DHX36: variants seen among roughly 807,000 people sequenced by gnomAD.
DHX36 encodes ATP-dependent DNA/RNA helicase DHX36.
In DHX36, 50 loss-of-function variants were observed where a neutral mutation model predicts 139.0. The observed-to-expected ratio is 0.36, with a 90% CI of 0.29 to 0.46. DHX36 has a LOEUF of 0.46. Among genes scored for constraint, DHX36 ranks in the 20% least tolerant of loss-of-function variants. The pLI is 1.00. For synonymous variants in DHX36, 425 were observed against 401.9 expected, an observed-to-expected ratio of 1.06 and a Z score of -0.69; for missense variants, 1,024 against 1,211.3, an observed-to-expected ratio of 0.85 and a Z score of 2.29.
intron 15 of DHX36, among the ~76,000 whole-genome samples, chr3:154,292,236 C>CA: frequency 6.6e-6 from 1 of 152,020 alleles, no homozygotes. Flanking sequence ...ATCTGACACT[C>CA]AAAAAGTATT....
At position 154,324,309 on chromosome 3, in the gene DHX36, G is replaced by C; in HGVS notation, c.108C>G (p.Ser36=). 6.2e-7 allele frequency: 1 copy of C among 1,608,178 alleles called. No homozygotes were observed. Among genetic ancestry groups the C allele is most frequent in the Non-Finnish European group, 8.5e-7 (1 of 1,177,816 alleles). Residue 36 remains serine, a synonymous_variant, in exon 1 of 25, where the codon TCC becomes TCG. Transcript: ENST00000496811. ...PAGGHGGNRG[S]GGGGGGGGGG... ...CCCCTCCGCCGCCGCCGCCTCCTCC[G>C]GAGCCTCGGTTACCTCCATGACCCC...
intron 20 of DHX36, 133 bp from the exon 21 acceptor site, chr3:154,280,995 G>T: frequency 1.5e-6 from 1 of 657,418 alleles, no homozygotes; most frequent in Non-Finnish European, 2.5e-6. Flanking sequence ...ATGTTTTAAA[G>T]CAAGGGTTGG....
rs193287924 is a variant in DHX36, at chr3:154,283,037, A to G, written c.2376+151T>C. 606 of 529,710 alleles carry G rather than the reference A, an allele frequency of 1.1e-3. 1 individual carries two copies. Among genetic ancestry groups the G allele is most frequent in the Non-Finnish European group, 1.1e-3 (329 of 294,852 alleles). 32.8% of individuals were successfully genotyped at this position (529,710 alleles called of 1,614,324 possible). A position where few individuals can be genotyped will look rare whatever the true frequency, so the allele number is the denominator to read the frequency against. ...TCCTTGTTTTGTTGCAGTTGATTTC[A>G]GAAAGATCCCCCATTACTTTGTGTA... On this transcript the variant is annotated intron_variant, in intron 20 of 24. Transcript: ENST00000496811.
At chr3:154,321,298 G>T (rs1016029030) in intron 1 of DHX36, among the ~76,000 whole-genome samples, 1 of 152,030 alleles carries the variant, frequency 6.6e-6, no homozygotes, top group Non-Finnish European at 1.5e-5. Context: ...ACAGTTTCTC[G>T]AACTGAAAAT....
chr3:154,316,984 G>C (rs1358767523), intron 1 of DHX36, among the ~76,000 whole-genome samples: 1 of 152,042 alleles, frequency 6.6e-6, no homozygotes, highest in Non-Finnish European at 1.5e-5. Flanking sequence ...GTGAAAATTA[G>C]AGTGTGTTAG....
intron 15 of DHX36, among the ~76,000 whole-genome samples, chr3:154,291,635 AAGTC>A (rs1711816093): frequency 6.6e-6 from 1 of 152,216 alleles, no homozygotes; most frequent in Non-Finnish European, 1.5e-5. Context: ...AGATTACAGC[AAGTC>A]AGTCAGAGCT....
chr3:154,312,990 A>G (rs1000052768), intron 3 of DHX36, among the ~76,000 whole-genome samples: 7 of 149,096 alleles, frequency 4.7e-5, no homozygotes, highest in Non-Finnish European at 8.9e-5. Flanking sequence ...TACCATAAAA[A>G]TAACAGTCAA....
chr3:154,293,674 T>G (rs1008450729), intron 14 of DHX36, 74 bp downstream of exon 14: 1 of 1,078,916 alleles, frequency 9.3e-7, no homozygotes, highest in African/African-American at 1.6e-5. Flanking sequence ...GAAAAAAGAT[T>G]AAGGTATATA....
intron 17 of DHX36, 137 bp downstream of exon 17, chr3:154,288,729 T>C (rs1428958029): frequency 1.2e-5 from 5 of 429,410 alleles, no homozygotes; most frequent in Non-Finnish European, 2.1e-5. Flanking sequence ...TCTAAATTGA[T>C]AGTCAAATAG....
intron 15 of DHX36, among the ~76,000 whole-genome samples, chr3:154,292,106 C>G (rs564222957): frequency 6.6e-6 from 1 of 152,102 alleles, no homozygotes; most frequent in Non-Finnish European, 1.5e-5. Context: ...GGACTTTGGA[C>G]AAGTCATTTA....
intron 17 of DHX36, 131 bp from the exon 18 acceptor site, chr3:154,285,118 G>A (rs924734324): frequency 1.8e-5 from 17 of 941,530 alleles, no homozygotes; most frequent in Non-Finnish European, 2.6e-5. Context: ...ATATTGTTCA[G>A]CTTTAGTTTT....
chr3:154,324,097 C>T, intron 1 of DHX36, 77 bp downstream of exon 1: 1 of 1,470,084 alleles, frequency 6.8e-7, no homozygotes, highest in Admixed American at 2.2e-5. Flanking sequence ...AGAAACAAAA[C>T]CAAGAAAAAG....
intron 1 of DHX36, 149 bp downstream of exon 1, chr3:154,324,025 G>T (rs1713302212): frequency 2.1e-6 from 2 of 943,228 alleles, no homozygotes; most frequent in Non-Finnish European, 3.2e-6. Context: ...ACCCGCTACG[G>T]GGAGCGCCAG....
intron 10 of DHX36, 43 bp downstream of exon 10, chr3:154,300,944 T>C (rs1044992161): frequency 6.2e-7 from 1 of 1,601,188 alleles, no homozygotes; most frequent in African/African-American, 1.4e-5. Context: ...CTTTTTGTTT[T>C]ATTTAGCCAC....
intron 15 of DHX36, among the ~76,000 whole-genome samples, chr3:154,291,684 G>A (rs73872803): frequency 0.011 from 1,723 of 152,308 alleles, 31 homozygotes; most frequent in African/African-American, 0.04. Flanking sequence ...ACGAGGGGTT[G>A]ATAAATGGCC....
chr3:154,307,920 C>T (rs1437714590), intron 5 of DHX36, among the ~76,000 whole-genome samples: 5 of 152,094 alleles, frequency 3.3e-5, no homozygotes, highest in Middle Eastern at 3.4e-3. Flanking sequence ...TGTATATATA[C>T]ACCACAATGG....
intron 9 of DHX36, 42 bp downstream of exon 9, chr3:154,303,287 T>C (rs747678877): frequency 7.3e-7 from 1 of 1,366,610 alleles, no homozygotes; most frequent in Non-Finnish European, 1.0e-6. Flanking sequence ...AAGTGATATA[T>C]TAGTACTTTT....
intron 22 of DHX36, among the ~76,000 whole-genome samples, chr3:154,278,228 A>G (rs1158866995): frequency 6.6e-6 from 1 of 152,156 alleles, no homozygotes; most frequent in Non-Finnish European, 1.5e-5. Context: ...TAAAAAATGA[A>G]AAGTTAAGAA....
chr3:154,277,834 A>G (rs1719200403), intron 22 of DHX36, 116 bp from the exon 23 acceptor site: 1 of 943,910 alleles, frequency 1.1e-6, no homozygotes, highest in African/African-American at 1.7e-5. Context: ...CAAATCCCGG[A>G]ATCTAAAAAA....
Sources: gnomAD v4.1 joint callset for allele counts (sites outside exome capture counted in the v4.1 genomes callset) on GRCh38, gnomAD v4.1.1 for gene constraint, MANE v1.5 for transcripts, NCBI Gene and HGNC (gene_info 2026-07-23, HGNC 2026-07-21) for gene names.